Variants in BCL11B observed in about 807,000 individuals in gnomAD.
BCL11B encodes the protein BCL11 transcription factor B.
In BCL11B, 8 loss-of-function variants were observed where a neutral mutation model predicts 49.9. That is an observed-to-expected ratio of 0.16 (90% CI 0.09 to 0.29). The LOEUF is 0.29. BCL11B is among the 10% of genes least tolerant of loss of function. The probability of loss-of-function intolerance (pLI) is 1.00; values close to 1 mark genes in which losing one functional copy is unlikely to be tolerated. For missense variants in BCL11B, 1,006 were observed against 1,351.0 expected, an observed-to-expected ratio of 0.74 and a Z score of 4.00; for synonymous variants, 739 against 637.4, an observed-to-expected ratio of 1.16 and a Z score of -2.40.
At position 99,242,301 on chromosome 14, in the gene BCL11B, C is replaced by T. The variant is rs1888693914; in HGVS notation, c.428-10744G>A. Among the ~76,000 whole-genome samples, 2 of 152,238 alleles carry T rather than the reference C, an allele frequency of 1.3e-5. No homozygotes were observed. Among genetic ancestry groups the T allele is most frequent in the South Asian group, 2.1e-4 (1 of 4,834 alleles). ...ATGATCTTGTCCCCCTGCTTCCCTA[C>T]CTTTTCTCGCAAACCATGTGGGCTG... On this transcript the variant is annotated intron_variant, in intron 2 of 3. Transcript: ENST00000357195. The surrounding 1 kb of genome is among the most constrained non-coding windows in gnomAD (Gnocchi z 4.4).
intron 2 of BCL11B, among the ~76,000 whole-genome samples, chr14:99,245,579 G>A (rs1481347254): frequency 4.6e-5 from 7 of 152,244 alleles, no homozygotes; most frequent in Non-Finnish European, 7.3e-5. Context: ...GGCTGAGGAA[G>A]ACGGCGCCAC....
At chr14:99,189,883 T>C (rs775587760) in intron 3 of BCL11B, among the ~76,000 whole-genome samples, 32 of 152,254 alleles carry the variant, frequency 2.1e-4, no homozygotes, top group Admixed American at 9.1e-4. Flanking sequence ...ACTAGGGAAT[T>C]GAAGCCTAGA....
rs1233433979 is a variant in BCL11B at position 99,271,572 on chromosome 14, T to C, written c.-354A>G. 5.1e-6 allele frequency: 1 copy of C among 196,286 alleles called. No homozygotes were observed. Among genetic ancestry groups the C allele is most frequent in the Non-Finnish European group, 1.1e-5 (1 of 94,856 alleles). 12.2% of individuals were successfully genotyped at this position (196,286 alleles called of 1,614,324 possible). A position where few individuals can be genotyped will look rare whatever the true frequency, so the allele number is the denominator to read the frequency against. On this transcript the variant is annotated 5_prime_UTR_variant, in exon 1 of 4. It adds an upstream start codon to the 5' untranslated region. Coordinates refer to ENST00000357195, the MANE Select transcript of BCL11B (RefSeq NM_138576.4). ...GGACTGGCTGGTTTCTTTAAAAATA[T>C]ATTCTTTCGAAGGAAAAAAAATCTC...
At chr14:99,234,081 T>A (rs906311286) in intron 2 of BCL11B, among the ~76,000 whole-genome samples, 2 of 151,998 alleles carry the variant, frequency 1.3e-5, no homozygotes, top group African/African-American at 4.8e-5. Flanking sequence ...ACGGCATGAC[T>A]CCATGGATAC....
At chr14:99,260,931 T>C (rs1446180919) in intron 1 of BCL11B, among the ~76,000 whole-genome samples, 1 of 151,688 alleles carries the variant, frequency 6.6e-6, no homozygotes, top group Non-Finnish European at 1.5e-5. Context: ...AGACCAGAGA[T>C]CCAACTCACT....
In BCL11B at chr14:99,204,368, G is replaced by A. The variant is rs538838622; in HGVS notation, c.640+26977C>T. On this transcript the variant is annotated intron_variant, in intron 3 of 3. Coordinates refer to ENST00000357195, the MANE Select transcript of BCL11B (RefSeq NM_138576.4). ...CAACCTAGCAACTGCCCCCGATCCC[G>A]CACCCCACTGGCCTGTCCTGAGCAC... is the stretch of plus-strand genomic sequence containing the variant. Among the ~76,000 whole-genome samples, 6 of 152,262 alleles carry A rather than the reference G, an allele frequency of 3.9e-5. No homozygotes were observed. In the East Asian group the frequency reaches 7.7e-4, roughly 20 times the overall value.
At chr14:99,258,574 G>C (rs536454468) in intron 1 of BCL11B, among the ~76,000 whole-genome samples, 5 of 152,354 alleles carry the variant, frequency 3.3e-5, no homozygotes, top group Admixed American at 3.3e-4. Flanking sequence ...AGCAACAAGT[G>C]AGTGTCAGGT....
intron 3 of BCL11B, among the ~76,000 whole-genome samples, chr14:99,217,506 T>C (rs910611525): frequency 1.3e-5 from 2 of 152,198 alleles, no homozygotes; most frequent in African/African-American, 4.8e-5. Context: ...AGGCAATGTT[T>C]GGCTCCAAAT....
Position 99,231,700 on chromosome 14 carries a change from G to A in BCL11B, c.428-143C>T. Reference sequence around the variant, plus strand: ...GGCCCCCGGGGTGCCAGGCCCTGCAGGGAAGGCAATCGGGACACAGGCGAG... The same window carrying A: ...GGCCCCCGGGGTGCCAGGCCCTGCAAGGAAGGCAATCGGGACACAGGCGAG... On this transcript the variant is annotated intron_variant, in intron 2 of 3. Transcript: ENST00000357195. This position sits in a 1 kb window ranked among gnomAD's most constrained non-coding sequence, Gnocchi z 8.1. 1 of 835,966 alleles carries A rather than the reference G, an allele frequency of 1.2e-6. No individual in the cohort carries two copies. The highest frequency in any genetic ancestry group is 1.9e-6 in the Non-Finnish European group (1 of 540,256). The allele number at this position is 835,966 out of a possible 1,614,324, so 51.8% of individuals were successfully genotyped here.
rs969305366 is a variant in BCL11B, at chr14:99,242,398, A to G, written c.428-10841T>C. 3.3e-5 allele frequency among the ~76,000 whole-genome samples: 5 copies of G among 152,192 alleles called. No individual in the cohort carries two copies. Among genetic ancestry groups the G allele is most frequent in the African/African-American group, 1.2e-4 (5 of 41,440 alleles). On this transcript the variant is annotated intron_variant, in intron 2 of 3. Transcript: ENST00000357195. The surrounding 1 kb of genome is among the most constrained non-coding windows in gnomAD (Gnocchi z 4.4). ...GTCCAGCCGTGGAGAGGGGAATATCACGGCCTTCCTTGCCCAGCCTTGCAT... is the reference window on the plus strand; with the variant it reads ...GTCCAGCCGTGGAGAGGGGAATATCGCGGCCTTCCTTGCCCAGCCTTGCAT...
Position 99,242,736 on chromosome 14 carries a change from T to C in BCL11B, c.428-11179A>G, listed in dbSNP as rs965454334. Reference sequence around the variant, plus strand: ...TTGGACCCTGCCAGAGGTTATTTTATGAAAAATCTAATTCAAGTAATCCAG... The same window carrying C: ...TTGGACCCTGCCAGAGGTTATTTTACGAAAAATCTAATTCAAGTAATCCAG... On this transcript the variant is annotated intron_variant, in intron 2 of 3. Transcript: ENST00000357195. The surrounding 1 kb of genome is among the most constrained non-coding windows in gnomAD (Gnocchi z 4.4). Among the ~76,000 whole-genome samples, 3 of 152,360 alleles carry C rather than the reference T, an allele frequency of 2.0e-5. No individual in the cohort carries two copies. The highest frequency in any genetic ancestry group is 2.4e-5 in the African/African-American group (1 of 41,586).
intron 3 of BCL11B, among the ~76,000 whole-genome samples, chr14:99,217,773 C>G (rs1887895025): frequency 6.6e-6 from 1 of 152,156 alleles, no homozygotes; most frequent in Non-Finnish European, 1.5e-5. Flanking sequence ...GTGCTCAGAA[C>G]TGGGCTCCTT....
chr14:99,209,611 C>T (rs55843916), intron 3 of BCL11B, among the ~76,000 whole-genome samples: 1 of 151,986 alleles, frequency 6.6e-6, no homozygotes, highest in Non-Finnish European at 1.5e-5. Context: ...GCCTGGCCCC[C>T]GGCAGGGGAG....
rs1007900314 is a variant in BCL11B at position 99,173,452 on chromosome 14, A to C, written c.*699T>G. On this transcript the variant is annotated 3_prime_UTR_variant, in exon 4 of 4. Transcript: ENST00000357195. ...AGAAAAGGCCGCTTGACTCGGGACG[A>C]CATGAGTGCTACATCTCCATTCCAG... The C allele has an allele frequency of 6.0e-5, 13 of 217,568 alleles. 1 individual carries two copies. In the Middle Eastern group the frequency reaches 4.2e-3, roughly 71 times the overall value. 13.5% of individuals were successfully genotyped at this position (217,568 alleles called of 1,614,324 possible). A position where few individuals can be genotyped will look rare whatever the true frequency, so the allele number is the denominator to read the frequency against.
chr14:99,263,825 C>A (rs926894857), intron 1 of BCL11B, among the ~76,000 whole-genome samples: 3 of 152,144 alleles, frequency 2.0e-5, no homozygotes, highest in Non-Finnish European at 2.9e-5. Context: ...GAGCCTGGGT[C>A]TCCCCAGCAC....
chr14:99,173,992 G>T lies in BCL11B; in HGVS notation c.*159C>A. On this transcript the variant is annotated 3_prime_UTR_variant, in exon 4 of 4. Transcript: ENST00000357195. ...CTTAATCAACCCTCGGGTTTCCATA[G>T]GACTTCGCAGACACAGGTTAGGTTG... 1.5e-6 allele frequency: 1 copy of T among 661,178 alleles called. No individual in the cohort carries two copies. The highest frequency in any genetic ancestry group is 2.6e-6 in the Non-Finnish European group (1 of 389,570). The allele number at this position is 661,178 out of a possible 1,614,324, so 41.0% of individuals were successfully genotyped here.
chr14:99,260,387 G>A (rs967803945), intron 1 of BCL11B, among the ~76,000 whole-genome samples: 8 of 152,008 alleles, frequency 5.3e-5, no homozygotes, highest in African/African-American at 9.7e-5. Context: ...TTTAATCTTC[G>A]GTTTACTTTT....
chr14:99,191,950 G>A (rs530390513), intron 3 of BCL11B, among the ~76,000 whole-genome samples: 1 of 152,290 alleles, frequency 6.6e-6, no homozygotes, highest in South Asian at 2.1e-4. Context: ...GGGGTGACGG[G>A]GGGAGGAGGA....
chr14:99,271,722 A>G lies in BCL11B; in HGVS notation c.-504T>C, dbSNP rs1723312548. ...GGTAGGTGGAAAGCGCACTTCTACC[A>G]GGAGGGGAAAAAAAATGCAAACAAA... On this transcript the variant is annotated 5_prime_UTR_variant, in exon 1 of 4. Coordinates refer to ENST00000357195, the MANE Select transcript of BCL11B (RefSeq NM_138576.4). 6.6e-6 allele frequency among the ~76,000 whole-genome samples: 1 copy of G among 151,786 alleles called. No homozygotes were observed. Among genetic ancestry groups the G allele is most frequent in the African/African-American group, 2.4e-5 (1 of 41,320 alleles).
Sources: allele counts gnomAD v4.1 joint callset (sites outside exome capture counted in the v4.1 genomes callset), GRCh38; gene constraint gnomAD v4.1.1; non-coding constraint Gnocchi (gnomAD v3.1); transcripts MANE v1.5; gene names NCBI Gene and HGNC (gene_info 2026-07-23, HGNC 2026-07-21).